RPS6KC1: variants seen among roughly 807,000 people sequenced by gnomAD.
RPS6KC1 encodes ribosomal protein S6 kinase C1, also known as inactive ribosomal protein S6 kinase delta-1.
In RPS6KC1, 54 loss-of-function variants were observed where a neutral mutation model predicts 103.8. The observed-to-expected ratio is 0.52, with a 90% confidence interval of 0.42 to 0.65. The LOEUF (loss-of-function observed/expected upper bound fraction) is 0.65. Among genes scored for constraint, RPS6KC1 ranks in the 30% least tolerant of loss-of-function variants. The pLI is 0.00. For synonymous variants in RPS6KC1, 439 were observed against 438.7 expected (o/e 1.00, Z -0.01); for missense variants, 1,151 against 1,253.8 (o/e 0.92, Z 1.24).
At chr1:213,142,445 G>T (rs2087178654) in intron 6 of RPS6KC1, among the ~76,000 whole-genome samples, 2 of 152,092 alleles carry the variant, frequency 1.3e-5, no homozygotes. Context: ...GGCTCCTAGA[G>T]TTGCCAGAGT....
chr1:213,141,121 T>C (rs1297071348), intron 6 of RPS6KC1, among the ~76,000 whole-genome samples: 4 of 152,082 alleles, frequency 2.6e-5, no homozygotes, highest in Non-Finnish European at 5.9e-5. Context: ...GGACTCAAAC[T>C]CCTGACCTCA....
the RPS6KC1 span, among the ~76,000 whole-genome samples, chr1:213,614,549 A>C: frequency 6.6e-6 from 1 of 152,176 alleles, no homozygotes; most frequent in Non-Finnish European, 1.5e-5. Flanking sequence ...TGTTTTGTAA[A>C]TCTTGTTCCA....
chr1:213,201,685 C>G (rs2093169044), intron 8 of RPS6KC1, among the ~76,000 whole-genome samples: 1 of 152,108 alleles, frequency 6.6e-6, no homozygotes, highest in Non-Finnish European at 1.5e-5. Context: ...GTGTTTGAGG[C>G]CAAAGGAACT....
the RPS6KC1 span, among the ~76,000 whole-genome samples, chr1:213,474,624 G>T: frequency 2.0e-5 from 3 of 152,044 alleles, no homozygotes; most frequent in Non-Finnish European, 2.9e-5. Flanking sequence ...TGGTGATTTC[G>T]TCTTTTTGGT....
At chr1:213,212,016 C>T (rs989588756) in intron 8 of RPS6KC1, among the ~76,000 whole-genome samples, 1 of 152,062 alleles carries the variant, frequency 6.6e-6, no homozygotes, top group Admixed American at 6.6e-5. Flanking sequence ...CATAGCCTCC[C>T]CTATTGTCAA....
the RPS6KC1 span, among the ~76,000 whole-genome samples, chr1:213,309,683 G>A: frequency 1.3e-5 from 2 of 152,068 alleles, no homozygotes; most frequent in Admixed American, 1.3e-4. Context: ...TCTTCTCTTA[G>A]TTATTTGTTT....
At chr1:213,663,394 T>C in the RPS6KC1 span, among the ~76,000 whole-genome samples, 1 of 152,176 alleles carries the variant, frequency 6.6e-6, no homozygotes, top group Non-Finnish European at 1.5e-5. Flanking sequence ...GAAGTGTTGA[T>C]TATAAGACAC....
chr1:213,773,909 G>A, the RPS6KC1 span, among the ~76,000 whole-genome samples: 1 of 152,212 alleles, frequency 6.6e-6, no homozygotes, highest in Admixed American at 6.5e-5. Context: ...GCCTATCCAA[G>A]TGGACACAAA....
At chr1:213,735,138 T>C in the RPS6KC1 span, among the ~76,000 whole-genome samples, 1 of 152,208 alleles carries the variant, frequency 6.6e-6, no homozygotes, top group African/African-American at 2.4e-5. Flanking sequence ...TTAGCCAGGA[T>C]GGTCTTGAGA....
chr1:213,212,676 G>A (rs2093545479), intron 8 of RPS6KC1, among the ~76,000 whole-genome samples: 1 of 152,182 alleles, frequency 6.6e-6, no homozygotes. Flanking sequence ...TTCCAAAGTG[G>A]ATGTGTTATT....
At chr1:213,247,281 G>A (rs889345698) in intron 12 of RPS6KC1, among the ~76,000 whole-genome samples, 1 of 152,148 alleles carries the variant, frequency 6.6e-6, no homozygotes, top group Non-Finnish European at 1.5e-5. Context: ...CACAGCTGAC[G>A]GTGAAAAGTG....
At chr1:213,520,368 C>T in the RPS6KC1 span, among the ~76,000 whole-genome samples, 1 of 152,130 alleles carries the variant, frequency 6.6e-6, no homozygotes. Context: ...GAGACTTATT[C>T]ACTACCACGA....
At chr1:213,337,917 T>A in the RPS6KC1 span, among the ~76,000 whole-genome samples, 7,970 of 152,130 alleles carry the variant, frequency 0.052, 311 homozygotes, top group Middle Eastern at 0.095. Flanking sequence ...TAGGGACAAT[T>A]TCTGTGAAGA....
the RPS6KC1 span, among the ~76,000 whole-genome samples, chr1:213,692,650 C>T: frequency 2.0e-5 from 3 of 152,168 alleles, no homozygotes; most frequent in African/African-American, 7.2e-5. Context: ...TACATGTGCT[C>T]ACTTGAGATA....
the RPS6KC1 span, among the ~76,000 whole-genome samples, chr1:213,393,598 C>T: frequency 5.3e-5 from 8 of 152,300 alleles, no homozygotes; most frequent in South Asian, 2.1e-4. Flanking sequence ...CCATTTTCCA[C>T]GCTGATGATC....
At chr1:213,612,840 C>T in the RPS6KC1 span, among the ~76,000 whole-genome samples, 1 of 152,186 alleles carries the variant, frequency 6.6e-6, no homozygotes, top group Admixed American at 6.5e-5. Context: ...AGAAGGTGTA[C>T]ATATCTTTAT....
the RPS6KC1 span, among the ~76,000 whole-genome samples, chr1:213,284,888 T>C: frequency 6.6e-6 from 1 of 152,202 alleles, no homozygotes; most frequent in Non-Finnish European, 1.5e-5. Flanking sequence ...CTCAACAGCA[T>C]TTTATAGAAG....
the RPS6KC1 span, among the ~76,000 whole-genome samples, chr1:213,513,106 A>G: frequency 1.3e-5 from 2 of 152,192 alleles, no homozygotes; most frequent in East Asian, 3.9e-4. Flanking sequence ...TAAATATGGA[A>G]GAGGGAGGCA....
chr1:213,263,056 C>T (rs1437911471), intron 14 of RPS6KC1, among the ~76,000 whole-genome samples: 3 of 152,088 alleles, frequency 2.0e-5, no homozygotes, highest in African/African-American at 7.2e-5. Context: ...ATTTAGGGCT[C>T]ACAGTCATTT....
Sources: allele counts gnomAD v4.1 joint callset (sites outside exome capture counted in the v4.1 genomes callset), GRCh38; gene constraint gnomAD v4.1.1; transcripts MANE v1.5; gene names NCBI Gene and HGNC (gene_info 2026-07-23, HGNC 2026-07-21).